Variants in EPB42 observed in about 807,000 individuals in gnomAD.
EPB42 encodes erythrocyte membrane protein band 4.2.
A neutral mutation model predicts 76.9 loss-of-function variants in EPB42; 49 were observed. The ratio of observed to expected loss-of-function variants is 0.64; its 90% CI spans 0.51 to 0.81. The LOEUF is 0.81. EPB42 is among the 30% of genes least tolerant of loss of function. The probability of loss-of-function intolerance (pLI) is 0.00; values close to 1 mark genes in which losing one functional copy is unlikely to be tolerated. For synonymous variants in EPB42, 310 were observed against 338.4 expected (o/e 0.92, Z 0.92); for missense variants, 731 against 867.6 (o/e 0.84, Z 1.98).
In EPB42 at chr15:43,206,001, G is replaced by A. The variant is rs567474313; in HGVS notation, c.1618+329C>T. 9 of 272,984 alleles carry A rather than the reference G, an allele frequency of 3.3e-5. No homozygotes were observed. In the East Asian group the frequency reaches 6.1e-4, roughly 18 times the overall value. 16.9% of individuals were successfully genotyped at this position (272,984 alleles called of 1,614,324 possible). A position where few individuals can be genotyped will look rare whatever the true frequency, so the allele number is the denominator to read the frequency against. ...TACTCATCCTTCCAGATTCCATGCA[G>A]TACAATTTATTTGGGGGCAGCTTAT... On this transcript the variant is annotated intron_variant, in intron 10 of 12. Coordinates refer to ENST00000441366, the MANE Select transcript of EPB42 (RefSeq NM_001114134.2). This position sits in a 1 kb window ranked among gnomAD's most constrained non-coding sequence, Gnocchi z 4.7.
chr15:43,217,950 T>TA, intron 1 of EPB42, among the ~76,000 whole-genome samples: 1 of 152,158 alleles, frequency 6.6e-6, no homozygotes, highest in Admixed American at 6.5e-5. Flanking sequence ...GAACTGACAT[T>TA]ATTGAATATG....
chr15:43,221,821 TAAAAAAAAA>T (rs56939497), upstream of EPB42, among the ~76,000 whole-genome samples: 1 of 107,472 alleles, frequency 9.3e-6, no homozygotes, highest in South Asian at 2.9e-4. Context: ...TCTTATTATG[TAAAAAAAAA>T]AAAAAAAAAA....
chr15:43,209,736 G>A, intron 5 of EPB42: 1 of 406,526 alleles, frequency 2.5e-6, no homozygotes. Context: ...GGTTTCACCG[G>A]TTCTTAGTCC....
chr15:43,201,433 T>G (rs1452357220), intron 12 of EPB42, among the ~76,000 whole-genome samples: 1 of 152,140 alleles, frequency 6.6e-6, no homozygotes, highest in African/African-American at 2.4e-5. Flanking sequence ...AAAATGGGAA[T>G]AAAAGGGAAT....
intron 12 of EPB42, among the ~76,000 whole-genome samples, chr15:43,198,683 C>T (rs925017740): frequency 3.9e-5 from 6 of 152,186 alleles, no homozygotes; most frequent in African/African-American, 7.2e-5. Flanking sequence ...TAATGTTAAA[C>T]CTGAAGATCA....
Position 43,221,017 on chromosome 15 carries a change from C to T in EPB42, c.-192G>A. The T allele has an allele frequency of 1.6e-6, 1 of 633,606 alleles. No homozygotes were observed. The highest frequency in any genetic ancestry group is 2.8e-6 in the Non-Finnish European group (1 of 351,758). The allele number at this position is 633,606 out of a possible 1,614,324, so 39.2% of individuals were successfully genotyped here. ...AGCACCCTGACATGTTTCTTCTCTC[C>T]TACTCCCTCTCTGCTGGTATCTCCT... is the stretch of plus-strand genomic sequence containing the variant. On this transcript the variant is annotated 5_prime_UTR_variant, in exon 1 of 13. Coordinates refer to ENST00000441366, the MANE Select transcript of EPB42 (RefSeq NM_001114134.2).
chr15:43,208,443 C>T, intron 7 of EPB42, 110 bp from the exon 8 acceptor site: 7 of 1,414,756 alleles, frequency 4.9e-6, no homozygotes, highest in Non-Finnish European at 7.0e-6. Flanking sequence ...TGGGAGGTCA[C>T]TGTGTCAAAG....
rs1232679422 is a variant in EPB42, at chr15:43,206,550, A to C, written c.1398T>G (p.Pro466=). 2 of 1,614,234 alleles carry C rather than the reference A, an allele frequency of 1.2e-6. No individual in the cohort carries two copies. Among genetic ancestry groups the C allele is most frequent in the Non-Finnish European group, 1.7e-6 (2 of 1,180,040 alleles). The part of the protein sequence containing the change: ...MEREKDNGIR[P]PSLETASPLY... Reference sequence around the variant, plus strand: ...GAGGACTGGCAGTCTCGAGACTGGGAGGACGGATGCCGTTGTCTTTCTCAC... The same window carrying C: ...GAGGACTGGCAGTCTCGAGACTGGGCGGACGGATGCCGTTGTCTTTCTCAC... Residue 466 remains proline, a synonymous_variant, in exon 10 of 13, where the codon CCT becomes CCG. Coordinates refer to ENST00000441366, the MANE Select transcript of EPB42 (RefSeq NM_001114134.2). This position sits in a 1 kb window ranked among gnomAD's most constrained non-coding sequence, Gnocchi z 4.7.
chr15:43,206,421 C>CA lies in EPB42; in HGVS notation c.1526dup (p.Ala510GlyfsTer44). 1 of 1,614,212 alleles carries CA rather than the reference C, an allele frequency of 6.2e-7. No individual in the cohort carries two copies. The highest frequency in any genetic ancestry group is 8.5e-7 in the Non-Finnish European group (1 of 1,180,042). On this transcript the variant is annotated frameshift_variant, in exon 10 of 13. Transcript: ENST00000441366. LOFTEE classifies it high-confidence loss of function. This position sits in a 1 kb window ranked among gnomAD's most constrained non-coding sequence, Gnocchi z 4.7. The stretch of plus-strand genomic sequence containing the variant: ...AGTGTACAGCCTGGACCCCAATTGC[C>CA]AGCTGCACTGCCTTCTCCTGCTCAC...
chr15:43,220,758 G>T, intron 1 of EPB42, 58 bp downstream of exon 1: 1 of 1,611,668 alleles, frequency 6.2e-7, no homozygotes, highest in East Asian at 2.2e-5. Flanking sequence ...GAAAACAGGT[G>T]ATGCTGCGGG....
chr15:43,220,202 G>A (rs2042436700), intron 1 of EPB42, among the ~76,000 whole-genome samples: 1 of 151,884 alleles, frequency 6.6e-6, no homozygotes, highest in African/African-American at 2.4e-5. Flanking sequence ...GCTTCTCCCA[G>A]GACACAAAAC....
chr15:43,206,781 A>T lies in EPB42; in HGVS notation c.1319-152T>A. On this transcript the variant is annotated intron_variant, in intron 9 of 12. Transcript: ENST00000441366. This position sits in a 1 kb window ranked among gnomAD's most constrained non-coding sequence, Gnocchi z 4.7. ...CCTCTAAGGCCATATTTAGCCCAAA[A>T]ATGTCTGTGTCAGGCAGCTCCACCA... The T allele has an allele frequency of 1.1e-6, 1 of 914,762 alleles. No homozygotes were observed. The highest frequency in any genetic ancestry group is 1.7e-6 in the Non-Finnish European group (1 of 591,580). The allele number at this position is 914,762 out of a possible 1,614,324, so 56.7% of individuals were successfully genotyped here. A position where few individuals can be genotyped will look rare whatever the true frequency, so the allele number is the denominator to read the frequency against.
In EPB42 at chr15:43,215,083, G is replaced by A. The variant is rs185794093; in HGVS notation, c.430+12C>T. The stretch of plus-strand genomic sequence containing the variant: ...CTCCATGCAGCCCAGGCTGGCCCAG[G>A]TCCAAACTTACCTCTATTCCAGGGG... On this transcript the variant is annotated intron_variant, in intron 3 of 12. Coordinates refer to ENST00000441366, the MANE Select transcript of EPB42 (RefSeq NM_001114134.2). 1,410 of 1,611,860 alleles carry A rather than the reference G, an allele frequency of 8.7e-4. 13 individuals are homozygous for A. Among genetic ancestry groups the A allele is most frequent in the Middle Eastern group, 2.6e-3 (15 of 5,836 alleles).
At chr15:43,220,710 C>T (rs1308689703) in intron 1 of EPB42, 106 bp downstream of exon 1, 1 of 1,577,996 alleles carries the variant, frequency 6.3e-7, no homozygotes, top group East Asian at 2.3e-5. Flanking sequence ...AGTTATACCA[C>T]CATCTCCCCG....
chr15:43,207,776 C>A (rs1387256688), intron 8 of EPB42, among the ~76,000 whole-genome samples: 1 of 152,204 alleles, frequency 6.6e-6, no homozygotes, highest in Non-Finnish European at 1.5e-5. Context: ...TTCTTGAGCA[C>A]TTACTAGGTG....
chr15:43,209,509 G>T, intron 5 of EPB42, 58 bp from the exon 6 acceptor site: 1 of 1,560,774 alleles, frequency 6.4e-7, no homozygotes, highest in Non-Finnish European at 8.7e-7. Context: ...CAGCTTCCAG[G>T]GCATGGGTAA....
chr15:43,212,489 G>A lies in EPB42; in HGVS notation c.431-955C>T, dbSNP rs1264490512. Among the ~76,000 whole-genome samples, 3 of 152,172 alleles carry A rather than the reference G, an allele frequency of 2.0e-5. No homozygotes were observed. In the East Asian group the frequency reaches 5.8e-4, roughly 29 times the overall value. On this transcript the variant is annotated intron_variant, in intron 3 of 12. Transcript: ENST00000441366. ...CAGGGAGCTTCCCAATGGCTTGTAT[G>A]TCTTTCCCACAAATTCAATTTGTGA...
chr15:43,211,260 T>C (rs1007355417), intron 4 of EPB42, among the ~76,000 whole-genome samples, 156 bp downstream of exon 4: 2 of 152,150 alleles, frequency 1.3e-5, no homozygotes, highest in Admixed American at 6.5e-5. Flanking sequence ...TGTTCTGATA[T>C]GGCCCAGAGG....
chr15:43,208,807 G>A (rs547342794), intron 6 of EPB42, 32 bp from the exon 7 acceptor site: 27 of 1,610,376 alleles, frequency 1.7e-5, no homozygotes, highest in East Asian at 4.5e-5. Context: ...GTCAGGGGGC[G>A]CTTGAGAGAC....
Sources: allele counts gnomAD v4.1 joint callset (sites outside exome capture counted in the v4.1 genomes callset), GRCh38; gene constraint gnomAD v4.1.1; non-coding constraint Gnocchi (gnomAD v3.1); transcripts MANE v1.5; gene names NCBI Gene and HGNC (gene_info 2026-07-23, HGNC 2026-07-21).